Variants in COL24A1 observed in about 807,000 individuals in gnomAD.
COL24A1 encodes collagen alpha-1(XXIV) chain.
Under a neutral mutation model 253.9 loss-of-function variants are expected in COL24A1, and 224 were observed. The observed-to-expected ratio is 0.88, with a 90% confidence interval of 0.79 to 0.99. The LOEUF is 0.99. COL24A1 is among the 50% of genes least tolerant of loss of function. The pLI is 0.00. For synonymous variants in COL24A1, 685 were observed against 673.7 expected, an observed-to-expected ratio of 1.02 and a Z score of -0.26; for missense variants, 2,131 against 2,068.5, an observed-to-expected ratio of 1.03 and a Z score of -0.59.
chr1:85,899,538 C>T (rs896614019), intron 28 of COL24A1, among the ~76,000 whole-genome samples: 2 of 152,068 alleles, frequency 1.3e-5, no homozygotes, highest in Non-Finnish European at 2.9e-5. Context: ...ATCTCCAAGG[C>T]TAGTGATAGA....
intron 13 of COL24A1, 54 bp from the exon 14 acceptor site, chr1:86,031,976 G>T: frequency 7.1e-7 from 1 of 1,411,398 alleles, no homozygotes; most frequent in African/African-American, 1.4e-5. Flanking sequence ...AACTACTAAG[G>T]GTATTTCTGA....
At chr1:85,914,299 CATGAATGT>C (rs1489097373) in intron 24 of COL24A1, among the ~76,000 whole-genome samples, 1 of 123,270 alleles carries the variant, frequency 8.1e-6, no homozygotes, top group Admixed American at 9.0e-5. Flanking sequence ...GTTATTTTGT[CATGAATGT>C]GTGTGTGTGT....
At chr1:86,058,417 AAG>A (rs1179062805) in intron 9 of COL24A1, among the ~76,000 whole-genome samples, 1 of 151,086 alleles carries the variant, frequency 6.6e-6, no homozygotes, top group Non-Finnish European at 1.5e-5. Context: ...ACTTGAGAGT[AAG>A]AGTCTAATAT....
intron 19 of COL24A1, among the ~76,000 whole-genome samples, chr1:85,995,349 T>C (rs1353071516): frequency 6.6e-6 from 1 of 152,052 alleles, no homozygotes. Context: ...GACTCCCAAG[T>C]AGCTAAGATT....
intron 24 of COL24A1, among the ~76,000 whole-genome samples, chr1:85,942,685 A>G (rs981048691): frequency 6.6e-6 from 1 of 152,256 alleles, no homozygotes; most frequent in African/African-American, 2.4e-5. Context: ...AATCCTCAAC[A>G]TTAAAATCCC....
At chr1:86,109,208 C>A (rs545378316) in intron 5 of COL24A1, among the ~76,000 whole-genome samples, 131 of 152,280 alleles carry the variant, frequency 8.6e-4, no homozygotes, top group African/African-American at 3.1e-3. Context: ...TTCCTAATTT[C>A]TTTAGAAGCC....
intron 43 of COL24A1, among the ~76,000 whole-genome samples, chr1:85,826,425 T>C (rs1674350053): frequency 2.5e-5 from 3 of 122,372 alleles, no homozygotes; most frequent in Admixed American, 1.8e-4. Context: ...TTTGGTTCCA[T>C]ATGAACTTTA....
rs1044167505 is a variant in COL24A1, at chr1:85,783,088, T to C, written c.4284+408A>G. On this transcript the variant is annotated intron_variant, in intron 51 of 59. Transcript: ENST00000370571. ...TGCCCCTGAGCTGGGAAAACACAGC[T>C]ATTGGGAAATATTTTCAGTCTGGTC... Among the ~76,000 whole-genome samples the C allele has an allele frequency of 2.0e-5, 3 of 152,156 alleles. No homozygotes were observed. In the East Asian group the frequency reaches 5.8e-4, roughly 29 times the overall value.
chr1:85,734,208 A>T (rs1663808590), intron 59 of COL24A1, among the ~76,000 whole-genome samples: 1 of 152,096 alleles, frequency 6.6e-6, no homozygotes, highest in Non-Finnish European at 1.5e-5. Context: ...TGGCCCCACT[A>T]TTTAATTTTA....
At chr1:85,772,107 T>C (rs1668036291) in intron 53 of COL24A1, among the ~76,000 whole-genome samples, 1 of 149,808 alleles carries the variant, frequency 6.7e-6, no homozygotes, top group South Asian at 2.1e-4. Context: ...ATTTCATCCA[T>C]GTCCCTACAA....
chr1:85,786,066 A>C (rs1669649551), intron 48 of COL24A1, among the ~76,000 whole-genome samples: 1 of 152,238 alleles, frequency 6.6e-6, no homozygotes, highest in Non-Finnish European at 1.5e-5. Flanking sequence ...AGGAGAAGAC[A>C]GATGACAGAG....
chr1:86,017,012 T>C (rs1697054291), intron 19 of COL24A1, 139 bp downstream of exon 19: 1 of 774,714 alleles, frequency 1.3e-6, no homozygotes, highest in Non-Finnish European at 2.0e-6. Flanking sequence ...ACAGAAAAAA[T>C]GTAGTCCAAA....
intron 43 of COL24A1, among the ~76,000 whole-genome samples, chr1:85,833,315 A>T (rs1675570092): frequency 6.6e-6 from 1 of 152,236 alleles, no homozygotes; most frequent in Admixed American, 6.5e-5. Flanking sequence ...GGATATGAAC[A>T]GACACTTCTC....
intron 22 of COL24A1, among the ~76,000 whole-genome samples, chr1:85,969,985 A>C (rs570163786): frequency 5.3e-5 from 8 of 152,294 alleles, no homozygotes; most frequent in African/African-American, 1.9e-4. Flanking sequence ...AATAATTTGC[A>C]CAAATTACTA....
chr1:85,892,589 A>G (rs1207060592), intron 31 of COL24A1, among the ~76,000 whole-genome samples: 1 of 152,092 alleles, frequency 6.6e-6, no homozygotes, highest in Non-Finnish European at 1.5e-5. Context: ...TCCCCATTAA[A>G]CATCTCTAAA....
chr1:86,151,122 T>C (rs1652710812), intron 1 of COL24A1, among the ~76,000 whole-genome samples: 1 of 152,064 alleles, frequency 6.6e-6, no homozygotes, highest in African/African-American at 2.4e-5. Context: ...CACATACATA[T>C]ATATAAAGCG....
chr1:85,901,843 A>AAT (rs1394448268), intron 28 of COL24A1, among the ~76,000 whole-genome samples: 1 of 135,728 alleles, frequency 7.4e-6, no homozygotes, highest in Admixed American at 7.8e-5. Context: ...AAAAAAAAAA[A>AAT]AAAAAAGAAC....
In COL24A1 at chr1:85,896,036, C is replaced by T. The variant is rs375249722; in HGVS notation, c.2862G>A (p.Gly954=). 2 of 1,612,084 alleles carry T rather than the reference C, an allele frequency of 1.2e-6. No homozygotes were observed. Among genetic ancestry groups the T allele is most frequent in the East Asian group, 2.2e-5 (1 of 44,808 alleles). Residue 954 remains glycine, a synonymous_variant, in exon 30 of 60, where the codon GGG becomes GGA. Transcript: ENST00000370571. ...TATTACTTACAATAAGACCATGAGG[C>T]CCTCTTTTTCCTTGATCTCCTTTTT... ...KGEKGDQGKR[G]PHGLIGKTGN...
chr1:86,041,812 G>T (rs916598351), intron 12 of COL24A1, among the ~76,000 whole-genome samples: 7 of 152,074 alleles, frequency 4.6e-5, no homozygotes, highest in East Asian at 1.9e-4. Context: ...GTGTTTAAAG[G>T]CTCCTGACCA....
Sources: allele counts gnomAD v4.1 joint callset (sites outside exome capture counted in the v4.1 genomes callset), GRCh38; gene constraint gnomAD v4.1.1; transcripts MANE v1.5; gene names NCBI Gene and HGNC (gene_info 2026-07-23, HGNC 2026-07-21).